Variants in CDH13 observed in about 807,000 individuals in gnomAD.
The protein encoded by CDH13 is cadherin 13.
Under a neutral mutation model 63.8 loss-of-function variants are expected in CDH13, and 24 were observed. That is an observed-to-expected ratio of 0.38 (90% confidence interval 0.27 to 0.53). CDH13 has a LOEUF of 0.53. CDH13 is among the 20% of genes least tolerant of loss of function. The probability of loss-of-function intolerance (pLI) is 0.85; values close to 1 mark genes in which losing one functional copy is unlikely to be tolerated. For synonymous variants in CDH13, 503 were observed against 355.3 expected (o/e 1.42, Z -4.67); for missense variants, 1,049 against 903.1 (o/e 1.16, Z -2.07).
intron 2 of CDH13, 82 bp from the exon 3 acceptor site, chr16:83,031,928 C>A: frequency 9.1e-7 from 1 of 1,098,956 alleles, no homozygotes; most frequent in Non-Finnish European, 1.3e-6. Context: ...TGTGGTAATT[C>A]ACACTTAATA....
At chr16:82,845,785 A>G (rs1438975520) in intron 1 of CDH13, among the ~76,000 whole-genome samples, 1 of 152,180 alleles carries the variant, frequency 6.6e-6, no homozygotes, top group Non-Finnish European at 1.5e-5. Context: ...TCATAAATAG[A>G]TGCAAATACC....
At chr16:82,884,324 G>T (rs1355639175) in intron 2 of CDH13, 2 of 414,714 alleles carry the variant, frequency 4.8e-6, no homozygotes, top group Non-Finnish European at 9.5e-6. Context: ...GGCAACCTGG[G>T]GAGGGGGTGT....
chr16:83,025,064 C>A lies in CDH13; in HGVS notation c.158-6946C>A, dbSNP rs527918656. On this transcript the variant is annotated intron_variant, in intron 2 of 13. Transcript: ENST00000567109. ...AGAAAAATCAGCTGGAAGAAGGAAG[C>A]TGTGTAGGAAAAGGAAAAGGTAGCT... 1.9e-3 allele frequency among the ~76,000 whole-genome samples: 291 copies of A among 152,234 alleles called. 1 individual carries two copies. The highest frequency in any genetic ancestry group is 0.017 in the Middle Eastern group (5 of 294).
chr16:83,199,473 C>CCT (rs1203358336), intron 4 of CDH13, among the ~76,000 whole-genome samples: 2 of 152,190 alleles, frequency 1.3e-5, no homozygotes, highest in East Asian at 3.9e-4. Flanking sequence ...AATGACTTCA[C>CCT]CTCTCTGGGT....
At chr16:82,927,833 G>C (rs573561829) in intron 2 of CDH13, among the ~76,000 whole-genome samples, 4 of 152,218 alleles carry the variant, frequency 2.6e-5, no homozygotes, top group Admixed American at 2.6e-4. Flanking sequence ...GAGTGAATGA[G>C]TGACCAGTGC....
intron 10 of CDH13, among the ~76,000 whole-genome samples, chr16:83,697,153 A>T (rs750951352): frequency 1.3e-5 from 2 of 152,136 alleles, no homozygotes; most frequent in Non-Finnish European, 2.9e-5. Flanking sequence ...TGTCACCCCA[A>T]CATTAATACT....
chr16:83,467,483 C>T (rs1385632605), intron 6 of CDH13, among the ~76,000 whole-genome samples: 1 of 152,126 alleles, frequency 6.6e-6, no homozygotes, highest in Non-Finnish European at 1.5e-5. Context: ...GAGCTGGCGC[C>T]TTACAGCTCT....
chr16:83,196,507 A>C (rs1404828369), intron 4 of CDH13, among the ~76,000 whole-genome samples: 3 of 152,210 alleles, frequency 2.0e-5, no homozygotes, highest in Non-Finnish European at 2.9e-5. Flanking sequence ...CAAGCTATAG[A>C]CTAGGAGAAA....
At chr16:83,121,962 TCACACACACACACACA>T (rs10665608) in intron 3 of CDH13, among the ~76,000 whole-genome samples, 5 of 147,410 alleles carry the variant, frequency 3.4e-5, no homozygotes, top group Admixed American at 6.8e-5. Context: ...TTTAAAACTG[TCACACACACACACACA>T]CACACACACA....
chr16:83,052,864 A>T (rs1237814917), intron 3 of CDH13, among the ~76,000 whole-genome samples: 2 of 152,106 alleles, frequency 1.3e-5, no homozygotes, highest in Non-Finnish European at 2.9e-5. Flanking sequence ...AATGATTAAT[A>T]AAAAAGCTAT....
intron 6 of CDH13, among the ~76,000 whole-genome samples, chr16:83,447,095 C>CTTTTTTTTTTT (rs2072720961): frequency 1.7e-5 from 1 of 57,288 alleles, no homozygotes; most frequent in Admixed American, 1.9e-4. Flanking sequence ...CTTATAGTAA[C>CTTTTTTTTTTT]CTTTTTTTTT....
At chr16:82,754,962 C>G (rs986777327) in intron 1 of CDH13, among the ~76,000 whole-genome samples, 2 of 152,206 alleles carry the variant, frequency 1.3e-5, no homozygotes, top group African/African-American at 4.8e-5. Flanking sequence ...TAAGGAGAAA[C>G]TCAAGCCAAT....
At chr16:82,646,196 T>C (rs1008273799) in intron 1 of CDH13, 31 of 152,256 alleles carry the variant, frequency 2.0e-4, no homozygotes, top group African/African-American at 7.2e-4. Flanking sequence ...AACACATTAT[T>C]GTTAGTATTT....
chr16:82,812,904 G>A (rs1167161366), intron 1 of CDH13, among the ~76,000 whole-genome samples: 1 of 151,796 alleles, frequency 6.6e-6, no homozygotes, highest in African/African-American at 2.4e-5. Flanking sequence ...TTGAGACAGA[G>A]AGGGTAGGAG....
At chr16:83,342,654 C>T (rs1416075668) in intron 5 of CDH13, among the ~76,000 whole-genome samples, 1 of 152,020 alleles carries the variant, frequency 6.6e-6, no homozygotes, top group Non-Finnish European at 1.5e-5. Context: ...TCTTTCTTTC[C>T]ATTGTGTTAA....
intron 1 of CDH13, among the ~76,000 whole-genome samples, chr16:82,658,475 A>T (rs1911555912): frequency 6.6e-6 from 1 of 152,236 alleles, no homozygotes; most frequent in Non-Finnish European, 1.5e-5. Flanking sequence ...ACTTTTCTTC[A>T]TACCTGTCTC....
chr16:83,458,404 C>T (rs925645648), intron 6 of CDH13, among the ~76,000 whole-genome samples: 19 of 152,218 alleles, frequency 1.2e-4, no homozygotes, highest in African/African-American at 3.6e-4. Context: ...CCAACATCAT[C>T]GCCATTAACA....
chr16:83,341,101 C>T (rs901864319), intron 5 of CDH13, among the ~76,000 whole-genome samples: 1 of 152,172 alleles, frequency 6.6e-6, no homozygotes, highest in Non-Finnish European at 1.5e-5. Flanking sequence ...ACATAAAGAA[C>T]AAGCATCAGA....
chr16:83,353,468 A>G (rs540817262), intron 6 of CDH13, among the ~76,000 whole-genome samples: 32 of 152,382 alleles, frequency 2.1e-4, no homozygotes, highest in African/African-American at 7.2e-4. Context: ...TGGATACCAA[A>G]GCATCTGCTG....
Sources: gnomAD v4.1 joint callset for allele counts (sites outside exome capture counted in the v4.1 genomes callset) on GRCh38, gnomAD v4.1.1 for gene constraint, MANE v1.5 for transcripts, NCBI Gene and HGNC (gene_info 2026-07-23, HGNC 2026-07-21) for gene names.